DSCAM: variants seen among roughly 807,000 people sequenced by gnomAD.
DSCAM encodes DS cell adhesion molecule, also known as cell adhesion molecule DSCAM.
DSCAM carries 47 observed loss-of-function variants against 217.7 expected under a neutral mutation model. The ratio of observed to expected loss-of-function variants is 0.22; its 90% CI spans 0.17 to 0.28. DSCAM has a LOEUF of 0.28. DSCAM is among the 10% of genes least tolerant of loss of function. DSCAM has a pLI of 1.00. For missense variants in DSCAM, 2,080 were observed against 2,618.3 expected (o/e 0.79, Z 4.49); for synonymous variants, 1,056 against 1,015.3 (o/e 1.04, Z -0.76).
rs150661953 is a variant in DSCAM, at chr21:40,319,999, T to C, written c.1784-7640A>G. Among the ~76,000 whole-genome samples the C allele has an allele frequency of 3.8e-3, 582 of 152,160 alleles. 1 individual carries two copies. Among genetic ancestry groups the C allele is most frequent in the African/African-American group, 0.013 (546 of 41,508 alleles). On this transcript the variant is annotated intron_variant, in intron 8 of 32. Transcript: ENST00000400454. ...TCACTTATAAGCGGGAGTTGAACAATGAGAACTCATGGACACAGGGAGAGG... is the reference window on the plus strand; with the variant it reads ...TCACTTATAAGCGGGAGTTGAACAACGAGAACTCATGGACACAGGGAGAGG...
At position 40,567,038 on chromosome 21, in the gene DSCAM, C is replaced by T. The variant is rs191313594; in HGVS notation, c.508+125772G>A. ...AACAGAATTATTAAAGACACATAAG[C>T]AGGGCCATGTTAAGATGCTCATGGG... is the stretch of plus-strand genomic sequence containing the variant. On this transcript the variant is annotated intron_variant, in intron 3 of 32. Transcript: ENST00000400454. Among the ~76,000 whole-genome samples, 8 of 152,218 alleles carry T rather than the reference C, an allele frequency of 5.3e-5. No homozygotes were observed. In the East Asian group the frequency reaches 1.4e-3, roughly 26 times the overall value.
intron 3 of DSCAM, among the ~76,000 whole-genome samples, chr21:40,427,759 G>A (rs62223845): frequency 6.6e-6 from 1 of 152,214 alleles, no homozygotes; most frequent in African/African-American, 2.4e-5. Context: ...ACACAAGCTA[G>A]GGAGGCTATG....
intron 1 of DSCAM, among the ~76,000 whole-genome samples, chr21:40,820,231 C>G (rs2091914058): frequency 6.6e-6 from 1 of 152,068 alleles, no homozygotes; most frequent in African/African-American, 2.4e-5. Flanking sequence ...CAATGATAAA[C>G]TAGATAAAGA....
At chr21:40,168,635 A>G (rs369211205) in intron 15 of DSCAM, among the ~76,000 whole-genome samples, 5 of 152,238 alleles carry the variant, frequency 3.3e-5, no homozygotes, top group African/African-American at 1.2e-4. Flanking sequence ...AAGCTGAAGT[A>G]GTGGATATGA....
intron 1 of DSCAM, among the ~76,000 whole-genome samples, chr21:40,829,186 T>A (rs921341058): frequency 6.6e-6 from 1 of 152,104 alleles, no homozygotes; most frequent in Admixed American, 6.5e-5. Context: ...CATGAAAAAT[T>A]GAGTGTGTGG....
intron 1 of DSCAM, among the ~76,000 whole-genome samples, chr21:40,809,018 T>G (rs996443166): frequency 6.6e-6 from 1 of 152,132 alleles, no homozygotes; most frequent in African/African-American, 2.4e-5. Flanking sequence ...TCAATCTGAT[T>G]GTTCTTGAAC....
intron 20 of DSCAM, among the ~76,000 whole-genome samples, chr21:40,109,291 A>C (rs1399742078): frequency 1.3e-5 from 2 of 150,072 alleles, no homozygotes; most frequent in Non-Finnish European, 3.0e-5. Flanking sequence ...AAACGTAAAC[A>C]AATTTACAAG....
At chr21:40,550,939 T>C (rs1464183957) in intron 3 of DSCAM, among the ~76,000 whole-genome samples, 1 of 152,240 alleles carries the variant, frequency 6.6e-6, no homozygotes, top group African/African-American at 2.4e-5. Context: ...GATGCTGTGA[T>C]TGGCTGAGAC....
chr21:40,089,344 G>T (rs911792391), intron 21 of DSCAM, among the ~76,000 whole-genome samples: 25 of 152,268 alleles, frequency 1.6e-4, no homozygotes, highest in African/African-American at 5.5e-4. Context: ...CTGTACTTGG[G>T]GCATCTGCCT....
intron 11 of DSCAM, among the ~76,000 whole-genome samples, chr21:40,269,766 G>A (rs558211581): frequency 6.6e-6 from 1 of 152,308 alleles, no homozygotes; most frequent in Admixed American, 6.5e-5. Flanking sequence ...TCTGCACCCA[G>A]ATTGTCCCCT....
chr21:40,722,322 A>C (rs1365175649), intron 1 of DSCAM, among the ~76,000 whole-genome samples: 1 of 152,170 alleles, frequency 6.6e-6, no homozygotes, highest in East Asian at 1.9e-4. Context: ...TTAAGGCAAT[A>C]ATAATGCATT....
At chr21:40,594,978 G>T (rs1489848424) in intron 3 of DSCAM, among the ~76,000 whole-genome samples, 1 of 152,166 alleles carries the variant, frequency 6.6e-6, no homozygotes, top group Non-Finnish European at 1.5e-5. Flanking sequence ...AACACTTACT[G>T]GGTGCACCTT....
intron 1 of DSCAM, among the ~76,000 whole-genome samples, chr21:40,792,137 C>CTT (rs67838146): frequency 0.057 from 6,759 of 118,468 alleles, 422 homozygotes; most frequent in Non-Finnish European, 0.073. Flanking sequence ...TCTTCTTCTT[C>CTT]TTTTTTTTTT....
At chr21:40,824,736 T>C (rs2091954921) in intron 1 of DSCAM, among the ~76,000 whole-genome samples, 1 of 152,188 alleles carries the variant, frequency 6.6e-6, no homozygotes, top group South Asian at 2.1e-4. Context: ...AGATGTGTCT[T>C]CCACCATGAC....
At chr21:40,222,868 T>A (rs1198104744) in intron 11 of DSCAM, among the ~76,000 whole-genome samples, 1 of 152,230 alleles carries the variant, frequency 6.6e-6, no homozygotes, top group Non-Finnish European at 1.5e-5. Context: ...TGTCCTTCTA[T>A]ATAATTGAGA....
chr21:40,690,974 T>C (rs2090531812), intron 3 of DSCAM, among the ~76,000 whole-genome samples: 1 of 152,150 alleles, frequency 6.6e-6, no homozygotes, highest in Non-Finnish European at 1.5e-5. Context: ...GAAAAATAAT[T>C]AATGGGTATT....
intron 1 of DSCAM, among the ~76,000 whole-genome samples, chr21:40,839,019 G>A (rs1476967242): frequency 6.6e-6 from 1 of 152,148 alleles, no homozygotes; most frequent in Non-Finnish European, 1.5e-5. Flanking sequence ...ATGCTAAATT[G>A]TATATACTTA....
rs1206032539 is a variant in DSCAM at position 40,621,880 on chromosome 21, A to G, written c.508+70930T>C. Among the ~76,000 whole-genome samples the G allele has an allele frequency of 2.3e-5, 3 of 128,980 alleles. No homozygotes were observed. The Admixed American group carries it at 2.6e-4, about 11-fold the overall frequency. The allele number at this position is 128,980 out of a possible 152,430, so 84.6% of individuals were successfully genotyped here. ...CACTGAATGAGGTCATGGAAAAGAA[A>G]GAAAGAAAGAGAGAGAGAGAAGGGA... On this transcript the variant is annotated intron_variant, in intron 3 of 32. Coordinates refer to ENST00000400454, the MANE Select transcript of DSCAM (RefSeq NM_001389.5).
At chr21:40,211,169 T>C (rs996526940) in intron 11 of DSCAM, among the ~76,000 whole-genome samples, 2 of 152,222 alleles carry the variant, frequency 1.3e-5, no homozygotes, top group Non-Finnish European at 2.9e-5. Flanking sequence ...TTCAGACTCA[T>C]CTAGGTTATT....
Sources: allele counts gnomAD v4.1 joint callset (sites outside exome capture counted in the v4.1 genomes callset), GRCh38; gene constraint gnomAD v4.1.1; transcripts MANE v1.5; gene names NCBI Gene and HGNC (gene_info 2026-07-23, HGNC 2026-07-21).